Variants in SCARA5 observed in about 807,000 individuals in gnomAD.
The protein encoded by SCARA5 is scavenger receptor class A, member 5 (putative).
Under a neutral mutation model 46.3 loss-of-function variants are expected in SCARA5, and 45 were observed. That is an observed-to-expected ratio of 0.97 (90% CI 0.76 to 1.24). SCARA5 has a LOEUF of 1.24. Among genes scored for constraint, SCARA5 ranks in the 50% most tolerant of loss-of-function variants. The pLI is 0.00. For missense variants in SCARA5, 680 were observed against 689.0 expected, an observed-to-expected ratio of 0.99 and a Z score of 0.15; for synonymous variants, 333 against 306.5, an observed-to-expected ratio of 1.09 and a Z score of -0.90.
At position 27,948,387 on chromosome 8, in the gene SCARA5, C is replaced by T. The variant is rs115867203; in HGVS notation, c.241+18027G>A. On this transcript the variant is annotated intron_variant, in intron 3 of 8. Coordinates refer to ENST00000354914, the MANE Select transcript of SCARA5 (RefSeq NM_173833.6). The stretch of plus-strand genomic sequence containing the variant: ...GGCAGGGAGGCCCCAGCTCAGCTTT[C>T]ACAACTGAAGTCTCAGGACCTGGCT... Among the ~76,000 whole-genome samples, 1,211 of 152,330 alleles carry T rather than the reference C, an allele frequency of 7.9e-3. 21 individuals are homozygous for T. The highest frequency in any genetic ancestry group is 0.028 in the African/African-American group (1,159 of 41,574).
At chr8:27,980,626 T>C (rs1808600056) in intron 2 of SCARA5, among the ~76,000 whole-genome samples, 1 of 152,092 alleles carries the variant, frequency 6.6e-6, no homozygotes, top group Non-Finnish European at 1.5e-5. Context: ...TCCCAACGCC[T>C]CCTGGAAACA....
intron 3 of SCARA5, among the ~76,000 whole-genome samples, chr8:27,935,516 G>T (rs1210706985): frequency 6.6e-6 from 1 of 152,182 alleles, no homozygotes; most frequent in African/African-American, 2.4e-5. Flanking sequence ...AGGTCTCTAG[G>T]GTCTAGGCTC....
At chr8:27,966,672 A>C in intron 2 of SCARA5, 130 bp from the exon 3 acceptor site, 1 of 987,328 alleles carries the variant, frequency 1.0e-6, no homozygotes, top group Non-Finnish European at 1.5e-6. Flanking sequence ...TCCCTTTTGC[A>C]TGTCTAGAAT....
At chr8:27,953,813 C>A (rs1808168189) in intron 3 of SCARA5, among the ~76,000 whole-genome samples, 1 of 152,146 alleles carries the variant, frequency 6.6e-6, no homozygotes, top group African/African-American at 2.4e-5. Flanking sequence ...TTTGGAGCAT[C>A]TGAATAGTGA....
At chr8:27,894,241 T>A (rs1460787634) in intron 7 of SCARA5, among the ~76,000 whole-genome samples, 2 of 152,168 alleles carry the variant, frequency 1.3e-5, no homozygotes, top group Non-Finnish European at 2.9e-5. Context: ...AAGTAAAAAT[T>A]TGCTCAGGGT....
chr8:27,880,747 C>T (rs994243522), intron 7 of SCARA5, among the ~76,000 whole-genome samples: 5 of 148,820 alleles, frequency 3.4e-5, no homozygotes, highest in African/African-American at 9.9e-5. Context: ...GCTAGCTACT[C>T]GGGAGGCTGA....
intron 7 of SCARA5, among the ~76,000 whole-genome samples, chr8:27,884,418 G>T: frequency 6.6e-6 from 1 of 152,250 alleles, no homozygotes; most frequent in Middle Eastern, 3.2e-3. Flanking sequence ...CGCTGCGCGG[G>T]GCCTTGGCCC....
intron 2 of SCARA5, among the ~76,000 whole-genome samples, chr8:27,972,875 A>C (rs1183666803): frequency 6.6e-6 from 1 of 152,062 alleles, no homozygotes; most frequent in African/African-American, 2.4e-5. Flanking sequence ...AAAGAGAAAA[A>C]AGTTCTAGAA....
intron 8 of SCARA5, among the ~76,000 whole-genome samples, chr8:27,878,700 C>T (rs1322202324): frequency 6.6e-6 from 1 of 152,234 alleles, no homozygotes; most frequent in East Asian, 1.9e-4. Context: ...ACTCCTAAGA[C>T]ACCTGCTTGG....
At chr8:27,990,118 C>T (rs1406958002) in intron 1 of SCARA5, among the ~76,000 whole-genome samples, 2 of 152,192 alleles carry the variant, frequency 1.3e-5, no homozygotes, top group Middle Eastern at 3.2e-3. Flanking sequence ...CTGGAATGCA[C>T]GGCTTGTTAG....
chr8:27,958,842 G>A (rs1808246411), intron 3 of SCARA5, among the ~76,000 whole-genome samples: 1 of 152,196 alleles, frequency 6.6e-6, no homozygotes, highest in Admixed American at 6.5e-5. Context: ...GAGATCTGGG[G>A]ATGGGGTGAG....
chr8:27,881,253 T>C (rs867598676), intron 7 of SCARA5, among the ~76,000 whole-genome samples: 2 of 152,338 alleles, frequency 1.3e-5, no homozygotes, highest in South Asian at 4.1e-4. Flanking sequence ...CATATGTTCA[T>C]TGCAGAACTA....
chr8:27,976,957 C>T (rs1056741678), intron 2 of SCARA5, among the ~76,000 whole-genome samples: 4 of 152,218 alleles, frequency 2.6e-5, no homozygotes, highest in African/African-American at 9.7e-5. Context: ...AGCCAGCCCC[C>T]CTGCCTTAGT....
chr8:27,879,899 C>T (rs1806784995), intron 7 of SCARA5, 133 bp from the exon 8 acceptor site: 3 of 799,330 alleles, frequency 3.8e-6, no homozygotes, highest in Non-Finnish European at 5.9e-6. Context: ...AAGACTTCAG[C>T]CCCCAAATCA....
At chr8:27,897,505 C>T (rs1411629745) in intron 7 of SCARA5, among the ~76,000 whole-genome samples, 2 of 152,236 alleles carry the variant, frequency 1.3e-5, no homozygotes, top group African/African-American at 2.4e-5. Flanking sequence ...TAGATGATTC[C>T]GTGTTCACCT....
chr8:27,941,222 G>C (rs1393530151), intron 3 of SCARA5, among the ~76,000 whole-genome samples: 1 of 152,206 alleles, frequency 6.6e-6, no homozygotes, highest in African/African-American at 2.4e-5. Flanking sequence ...AAATAGAATG[G>C]AATCAATTTA....
intron 2 of SCARA5, among the ~76,000 whole-genome samples, chr8:27,977,088 C>T (rs182547165): frequency 2.0e-5 from 3 of 152,278 alleles, no homozygotes; most frequent in East Asian, 1.9e-4. Context: ...TCTACACAGC[C>T]GCCCCACTCC....
rs952885565 is a variant in SCARA5 at position 27,871,769 on chromosome 8, G to A, written c.*165C>T. 6.9e-7 allele frequency: 1 copy of A among 1,457,708 alleles called. No individual in the cohort carries two copies. The highest frequency in any genetic ancestry group is 1.4e-5 in the African/African-American group (1 of 70,740). 90.3% of individuals were successfully genotyped at this position (1,457,708 alleles called of 1,614,324 possible). A position where few individuals can be genotyped will look rare whatever the true frequency, so the allele number is the denominator to read the frequency against. Reference sequence around the variant, plus strand: ...TACTTCGGAGCACATGTTCAAGAGGGAAATGACGACCGGCCCCCACGGTCC... The same window carrying A: ...TACTTCGGAGCACATGTTCAAGAGGAAAATGACGACCGGCCCCCACGGTCC... On this transcript the variant is annotated 3_prime_UTR_variant, in exon 9 of 9. Coordinates refer to ENST00000354914, the MANE Select transcript of SCARA5 (RefSeq NM_173833.6).
At chr8:27,907,316 G>C (rs145896901) in intron 5 of SCARA5, 70 bp from the exon 6 acceptor site, 1 of 1,159,950 alleles carries the variant, frequency 8.6e-7, no homozygotes, top group Non-Finnish European at 1.3e-6. Context: ...GGTCATCGTC[G>C]GGTTCAAGGC....
Sources: gnomAD v4.1 joint callset for allele counts (sites outside exome capture counted in the v4.1 genomes callset) on GRCh38, gnomAD v4.1.1 for gene constraint, MANE v1.5 for transcripts, NCBI Gene and HGNC (gene_info 2026-07-23, HGNC 2026-07-21) for gene names.